UBQLN1: variants seen among roughly 807,000 people sequenced by gnomAD.
The protein encoded by UBQLN1 is ubiquilin-1.
UBQLN1 carries 13 observed loss-of-function variants against 65.4 expected under a neutral mutation model. The observed-to-expected ratio is 0.20, with a 90% confidence interval of 0.13 to 0.32. UBQLN1 has a LOEUF of 0.32. UBQLN1 is among the 10% of genes least tolerant of loss of function. The pLI is 1.00. For synonymous variants in UBQLN1, 267 were observed against 247.8 expected (o/e 1.08, Z -0.73); for missense variants, 561 against 724.0 (o/e 0.77, Z 2.58).
intron 1 of UBQLN1, among the ~76,000 whole-genome samples, chr9:83,696,329 T>A (rs1199095934): frequency 6.6e-6 from 1 of 152,214 alleles, no homozygotes; most frequent in Non-Finnish European, 1.5e-5. Context: ...AAAGTAACTG[T>A]AATAATGCCA....
intron 6 of UBQLN1, among the ~76,000 whole-genome samples, chr9:83,672,217 T>A (rs1831745656): frequency 6.6e-6 from 1 of 152,216 alleles, no homozygotes; most frequent in Non-Finnish European, 1.5e-5. Context: ...TTTCTCCACA[T>A]CAGCAATGAA....
chr9:83,700,434 A>C (rs924432401), intron 1 of UBQLN1, among the ~76,000 whole-genome samples: 1 of 152,232 alleles, frequency 6.6e-6, no homozygotes, highest in African/African-American at 2.4e-5. Context: ...TTCATCTGTA[A>C]ATAATTTATT....
chr9:83,688,120 GAACA>G (rs2131172031), intron 1 of UBQLN1, among the ~76,000 whole-genome samples: 2 of 152,234 alleles, frequency 1.3e-5, no homozygotes, highest in South Asian at 4.1e-4. Context: ...ATGAATGGCA[GAACA>G]CATGGTTTGT....
chr9:83,665,541 A>G (rs2781001), intron 8 of UBQLN1: 113,322 of 161,688 alleles, frequency 0.7, 40,734 homozygotes, highest in East Asian at 0.88. Flanking sequence ...ATCTGTTACT[A>G]ATATAACAAT....
chr9:83,668,433 T>C, intron 7 of UBQLN1: 1 of 985,392 alleles, frequency 1.0e-6, no homozygotes. Context: ...TTATTTCACA[T>C]TCTCCGTGGT....
At chr9:83,676,536 T>C (rs1831835398) in intron 6 of UBQLN1, among the ~76,000 whole-genome samples, 1 of 152,202 alleles carries the variant, frequency 6.6e-6, no homozygotes. Flanking sequence ...TAGAACAGAA[T>C]ATTTTTATTG....
At chr9:83,686,196 A>T in intron 1 of UBQLN1, 41 bp from the exon 2 acceptor site, 2 of 1,322,608 alleles carry the variant, frequency 1.5e-6, no homozygotes, top group Non-Finnish European at 2.0e-6. Flanking sequence ...AGTTGTTTGC[A>T]CAGCACCATA....
At position 83,660,438 on chromosome 9, in the gene UBQLN1, G is replaced by C. The variant is rs1025687489; in HGVS notation, c.*1349C>G. The C allele has an allele frequency of 6.6e-6, 1 of 152,586 alleles. No individual in the cohort carries two copies. Among genetic ancestry groups the C allele is most frequent in the African/African-American group, 2.4e-5 (1 of 41,428 alleles). 9.5% of individuals were successfully genotyped at this position (152,586 alleles called of 1,614,324 possible). A position where few individuals can be genotyped will look rare whatever the true frequency, so the allele number is the denominator to read the frequency against. ...AATTATGTTTTAATTGGTCCTAAAG[G>C]AATGTACCACCCCAACAGTTTGGGA... is the stretch of plus-strand genomic sequence containing the variant. On this transcript the variant is annotated 3_prime_UTR_variant, in exon 11 of 11. Coordinates refer to ENST00000376395, the MANE Select transcript of UBQLN1 (RefSeq NM_013438.5).
At chr9:83,664,628 G>C (rs1831613485) in intron 9 of UBQLN1, among the ~76,000 whole-genome samples, 2 of 151,898 alleles carry the variant, frequency 1.3e-5, no homozygotes, top group African/African-American at 4.8e-5. Flanking sequence ...AACGGTGGGG[G>C]AGAACCAGGT....
At chr9:83,669,431 A>AT in intron 6 of UBQLN1, 104 bp from the exon 7 acceptor site, 2 of 1,054,622 alleles carry the variant, frequency 1.9e-6, no homozygotes, top group Non-Finnish European at 2.6e-6. Flanking sequence ...CCAAGTACAA[A>AT]TGATTATACA....
chr9:83,664,408 G>A (rs978166447), intron 9 of UBQLN1, among the ~76,000 whole-genome samples: 14 of 152,184 alleles, frequency 9.2e-5, no homozygotes, highest in African/African-American at 3.4e-4. Context: ...GATGGAGTGA[G>A]ACTATCTCTA....
intron 3 of UBQLN1, among the ~76,000 whole-genome samples, chr9:83,681,413 C>A (rs1831938138): frequency 1.3e-5 from 2 of 152,036 alleles, no homozygotes; most frequent in Non-Finnish European, 2.9e-5. Flanking sequence ...GAAAGACAGA[C>A]AAGAAAATAA....
intron 3 of UBQLN1, among the ~76,000 whole-genome samples, chr9:83,680,316 G>A (rs1173846160): frequency 1.3e-5 from 2 of 152,012 alleles, no homozygotes; most frequent in South Asian, 4.2e-4. Flanking sequence ...CCTTGATCCT[G>A]AGTTACTAAA....
intron 5 of UBQLN1, among the ~76,000 whole-genome samples, 185 bp from the exon 6 acceptor site, chr9:83,678,146 C>T (rs2780994): frequency 0.13 from 19,769 of 151,810 alleles, 1,633 homozygotes; most frequent in Middle Eastern, 0.26. Context: ...CTCAGCCTCC[C>T]GAGTAGCTGG....
intron 1 of UBQLN1, 84 bp downstream of exon 1, chr9:83,707,416 A>T: frequency 1.4e-6 from 2 of 1,409,972 alleles, no homozygotes; most frequent in Non-Finnish European, 1.9e-6. Flanking sequence ...CCCCTCTCCC[A>T]GGCCCTTCCA....
rs1006374488 is a variant in UBQLN1 at position 83,692,714 on chromosome 9, T to C, written c.181-6559A>G. On this transcript the variant is annotated intron_variant, in intron 1 of 10. Transcript: ENST00000376395. ...CTAAAAATACAAAATTATCCAGGCA[T>C]GGTGGCAAATGCCTGTAATCCCAGC... Among the ~76,000 whole-genome samples, 34 of 152,136 alleles carry C rather than the reference T, an allele frequency of 2.2e-4. 1 individual carries two copies. The highest frequency in any genetic ancestry group is 1.8e-3 in the Admixed American group (28 of 15,286).
intron 6 of UBQLN1, among the ~76,000 whole-genome samples, chr9:83,673,753 G>C (rs189754277): frequency 1.7e-4 from 26 of 152,196 alleles, no homozygotes; most frequent in Non-Finnish European, 2.8e-4. Context: ...TACAAAAGCA[G>C]TGAGTACTTG....
At chr9:83,673,068 A>G (rs961665195) in intron 6 of UBQLN1, among the ~76,000 whole-genome samples, 4 of 152,124 alleles carry the variant, frequency 2.6e-5, no homozygotes, top group Non-Finnish European at 2.9e-5. Flanking sequence ...CGTCTCCACT[A>G]AAGATACAAA....
intron 1 of UBQLN1, among the ~76,000 whole-genome samples, chr9:83,688,794 G>T (rs1430040774): frequency 6.6e-6 from 1 of 151,778 alleles, no homozygotes; most frequent in East Asian, 1.9e-4. Context: ...CTGGGAGGCA[G>T]AGGTTGCAGT....
Sources: gnomAD v4.1 joint callset for allele counts (sites outside exome capture counted in the v4.1 genomes callset) on GRCh38, gnomAD v4.1.1 for gene constraint, MANE v1.5 for transcripts, NCBI Gene and HGNC (gene_info 2026-07-23, HGNC 2026-07-21) for gene names.